Variants in WDR37 observed in about 807,000 individuals in gnomAD.
WDR37 encodes the protein WD repeat domain 37, also known as WD repeat-containing protein 37.
A neutral mutation model predicts 62.9 loss-of-function variants in WDR37; 19 were observed. That is an observed-to-expected ratio of 0.30 (90% CI 0.21 to 0.44). The LOEUF (loss-of-function observed/expected upper bound fraction) is 0.44. Among genes scored for constraint, WDR37 ranks in the 20% least tolerant of loss-of-function variants. WDR37 has a pLI of 1.00. For missense variants in WDR37, 474 were observed against 657.6 expected (o/e 0.72, Z 3.05); for synonymous variants, 250 against 260.9 (o/e 0.96, Z 0.40).
chr10:1,079,275 G>A (rs1385309519), intron 3 of WDR37, among the ~76,000 whole-genome samples: 3 of 151,634 alleles, frequency 2.0e-5, no homozygotes, highest in African/African-American at 7.3e-5. Context: ...AGTAGAGAAG[G>A]GGTTTTGCCA....
intron 1 of WDR37, among the ~76,000 whole-genome samples, chr10:1,059,316 C>T (rs996280589): frequency 2.0e-5 from 3 of 152,096 alleles, no homozygotes; most frequent in Non-Finnish European, 4.4e-5. Context: ...GCAGAAGTTG[C>T]GGTTAGCCGA....
rs559560811 is a variant in WDR37 at position 1,086,405 on chromosome 10, C to T, written c.604+48C>T. On this transcript the variant is annotated intron_variant, in intron 7 of 13. Transcript: ENST00000263150. Reference sequence around the variant, plus strand: ...CGTAGCCAGAGGCCGTTGCCTTCTCCAGTGTGTTTTTAAAATCGTGCATGA... The same window carrying T: ...CGTAGCCAGAGGCCGTTGCCTTCTCTAGTGTGTTTTTAAAATCGTGCATGA... 2.7e-6 allele frequency: 4 copies of T among 1,501,268 alleles called. No homozygotes were observed. The Admixed American group carries it at 7.0e-5, about 26-fold the overall frequency. 93.0% of individuals were successfully genotyped at this position (1,501,268 alleles called of 1,614,324 possible).
chr10:1,088,450 C>T (rs1047792033), intron 7 of WDR37, among the ~76,000 whole-genome samples: 2 of 152,030 alleles, frequency 1.3e-5, no homozygotes, highest in Admixed American at 1.3e-4. Context: ...ATGAATTGGC[C>T]TAATTTTAGT....
intron 2 of WDR37, among the ~76,000 whole-genome samples, chr10:1,073,946 C>T (rs1344847757): frequency 1.2e-4 from 19 of 152,198 alleles, no homozygotes; most frequent in Admixed American, 1.2e-3. Context: ...CCGTTCAACA[C>T]AGCACTTAGG....
intron 9 of WDR37, among the ~76,000 whole-genome samples, chr10:1,102,277 G>GTCGCTGTGCGT (rs1377091451): frequency 1.8e-3 from 276 of 151,694 alleles, no homozygotes; most frequent in African/African-American, 6.1e-3. Flanking sequence ...GCGTTCCCGT[G>GTCGCTGTGCGT]CCGCTGTGCG....
rs138949802 is a variant in WDR37 at position 1,086,754 on chromosome 10, C to T, written c.604+397C>T. Among the ~76,000 whole-genome samples the T allele has an allele frequency of 3.1e-3, 479 of 152,312 alleles. 1 individual carries two copies. Among genetic ancestry groups the T allele is most frequent in the East Asian group, 5.4e-3 (28 of 5,190 alleles). On this transcript the variant is annotated intron_variant, in intron 7 of 13. Coordinates refer to ENST00000263150, the MANE Select transcript of WDR37 (RefSeq NM_014023.4). The stretch of plus-strand genomic sequence containing the variant: ...TACTCCATGAATGTGCTTGCGTGCC[C>T]GTAGTTAATGCTGTCCACGGAGTGA...
chr10:1,122,581 G>A (rs1394279702), intron 11 of WDR37, among the ~76,000 whole-genome samples: 1 of 152,266 alleles, frequency 6.6e-6, no homozygotes, highest in Non-Finnish European at 1.5e-5. Context: ...CGTTGCTGAA[G>A]ACAGCAGTGG....
At chr10:1,128,659 AT>A (rs1835873241) in intron 13 of WDR37, among the ~76,000 whole-genome samples, 1 of 152,148 alleles carries the variant, frequency 6.6e-6, no homozygotes, top group Non-Finnish European at 1.5e-5. Flanking sequence ...TTGATCATTT[AT>A]TTTTTTGTCT....
In WDR37 at chr10:1,078,073, T is replaced by C. The variant is rs987096644; in HGVS notation, c.235+70T>C. On this transcript the variant is annotated intron_variant, in intron 3 of 13. Coordinates refer to ENST00000263150, the MANE Select transcript of WDR37 (RefSeq NM_014023.4). Reference sequence around the variant, plus strand: ...CATAGTCAAATTTATGAATAGACATTCATCACTATATTAGTTTTCTGTTCT... The same window carrying C: ...CATAGTCAAATTTATGAATAGACATCCATCACTATATTAGTTTTCTGTTCT... 30 of 1,200,884 alleles carry C rather than the reference T, an allele frequency of 2.5e-5. 1 individual carries two copies. The highest frequency in any genetic ancestry group is 2.9e-5 in the Non-Finnish European group (24 of 833,510). The allele number at this position is 1,200,884 out of a possible 1,614,324, so 74.4% of individuals were successfully genotyped here. A position where few individuals can be genotyped will look rare whatever the true frequency, so the allele number is the denominator to read the frequency against.
At chr10:1,120,177 G>C (rs1385284341) in intron 11 of WDR37, among the ~76,000 whole-genome samples, 2 of 152,236 alleles carry the variant, frequency 1.3e-5, no homozygotes, top group African/African-American at 4.8e-5. Flanking sequence ...AGGCGTGGGT[G>C]ATGAGAAAGG....
At chr10:1,117,859 T>G (rs1835454438) in intron 11 of WDR37, among the ~76,000 whole-genome samples, 1 of 152,178 alleles carries the variant, frequency 6.6e-6, no homozygotes, top group South Asian at 2.1e-4. Context: ...CTGCGCTGCG[T>G]GCACTCAGCC....
chr10:1,126,232 T>A (rs111964088), intron 13 of WDR37, among the ~76,000 whole-genome samples: 23 of 151,912 alleles, frequency 1.5e-4, no homozygotes, highest in African/African-American at 5.6e-4. Context: ...GGTGAAACCC[T>A]GTCTCTAATA....
intron 9 of WDR37, chr10:1,096,566 A>G (rs1051609378): frequency 2.7e-6 from 1 of 369,414 alleles, no homozygotes; most frequent in Admixed American, 4.3e-5. Flanking sequence ...CAGAACCTGA[A>G]TTGGCTTGAT....
At chr10:1,126,368 T>C (rs182624320) in intron 13 of WDR37, among the ~76,000 whole-genome samples, 2,225 of 147,522 alleles carry the variant, frequency 0.015, 29 homozygotes, top group Middle Eastern at 0.057. Flanking sequence ...ATCGCGCCAC[T>C]GCACTCCAGC....
intron 11 of WDR37, among the ~76,000 whole-genome samples, chr10:1,111,025 T>C (rs1039330979): frequency 6.6e-6 from 1 of 152,262 alleles, no homozygotes; most frequent in Non-Finnish European, 1.5e-5. Context: ...GGAAGTTTGC[T>C]GTTCTTGTTG....
Position 1,118,932 on chromosome 10 carries a change from C to G in WDR37, c.1104-5286C>G, listed in dbSNP as rs541392975. 1.0e-3 allele frequency among the ~76,000 whole-genome samples: 154 copies of G among 152,296 alleles called. 2 individuals are homozygous for G. Among genetic ancestry groups the G allele is most frequent in the Non-Finnish European group, 1.4e-3 (93 of 68,022 alleles). ...TTTGTGCTGGTTTCTAATGCTGTTT[C>G]TCACTCAATCCCACTGATTTCTCTT... On this transcript the variant is annotated intron_variant, in intron 11 of 13. Coordinates refer to ENST00000263150, the MANE Select transcript of WDR37 (RefSeq NM_014023.4).
chr10:1,083,163 A>G (rs1834084879), intron 5 of WDR37, among the ~76,000 whole-genome samples: 1 of 152,242 alleles, frequency 6.6e-6, no homozygotes, highest in African/African-American at 2.4e-5. Flanking sequence ...AAGCAAAAGC[A>G]TCTCCCATGT....
At position 1,086,332 on chromosome 10, in the gene WDR37, C is replaced by T. The variant is rs1348286197; in HGVS notation, c.579C>T (p.Val193=). The T allele has an allele frequency of 6.2e-7, 1 of 1,614,136 alleles. No individual in the cohort carries two copies. The change falls in exon 7 of 14, where the codon GTC becomes GTT. Residue 193 remains valine, a synonymous_variant. Coordinates refer to ENST00000263150, the MANE Select transcript of WDR37 (RefSeq NM_014023.4). ...GCATAGAGACAGGGAAGTGCCTAGT[C>T]AAGTACGCAGGCCACGTGGGCTCAG... is the stretch of plus-strand genomic sequence containing the variant. ...LWSIETGKCL[V]KYAGHVGSVN...
intron 11 of WDR37, among the ~76,000 whole-genome samples, chr10:1,115,035 T>G (rs950234861): frequency 6.6e-6 from 1 of 151,936 alleles, no homozygotes; most frequent in Non-Finnish European, 1.5e-5. Context: ...TTTTTGTTTT[T>G]TTTTTTTTGT....
Sources: gnomAD v4.1 joint callset for allele counts (sites outside exome capture counted in the v4.1 genomes callset) on GRCh38, gnomAD v4.1.1 for gene constraint, MANE v1.5 for transcripts, NCBI Gene and HGNC (gene_info 2026-07-23, HGNC 2026-07-21) for gene names.